The following RBFOX1 variants were observed in gnomAD, a reference collection of about 807,000 sequenced individuals.
RBFOX1 encodes the protein RNA binding protein fox-1 homolog 1.
A neutral mutation model predicts 57.7 loss-of-function variants in RBFOX1; 8 were observed. The ratio of observed to expected loss-of-function variants is 0.14; its 90% CI spans 0.08 to 0.25. The LOEUF is 0.25. RBFOX1 is among the 10% of genes least tolerant of loss of function. The pLI is 1.00. For synonymous variants in RBFOX1, 326 were observed against 222.4 expected (o/e 1.47, Z -4.15); for missense variants, 611 against 548.5 (o/e 1.11, Z -1.14).
rs773824474 is a variant in RBFOX1, at chr16:6,768,177, A to G, written c.-16+113527A>G. On this transcript the variant is annotated intron_variant, in intron 3 of 15. Transcript: ENST00000550418. ...GTAACACTGCACTTCAGCCTGGGCA[A>G]TAGAGCTAGACTCCATCTCAAAAAA... Among the ~76,000 whole-genome samples the G allele has an allele frequency of 7.2e-5, 11 of 152,108 alleles. 1 individual carries two copies. Among genetic ancestry groups the G allele is most frequent in the East Asian group, 1.9e-4 (1 of 5,176 alleles).
intron 4 of RBFOX1, among the ~76,000 whole-genome samples, chr16:7,086,721 T>G (rs201103442): frequency 3.7e-4 from 56 of 149,584 alleles, no homozygotes; most frequent in African/African-American, 1.3e-3. Context: ...GAAGAATGTA[T>G]ACACACACAC....
chr16:6,977,116 A>G (rs933909400), intron 3 of RBFOX1, among the ~76,000 whole-genome samples: 7 of 142,940 alleles, frequency 4.9e-5, no homozygotes, highest in Admixed American at 3.6e-4. Flanking sequence ...TATATGATCT[A>G]TATTATCATA....
intron 1 of RBFOX1, among the ~76,000 whole-genome samples, chr16:5,317,297 A>G (rs2151238415): frequency 6.6e-6 from 1 of 152,214 alleles, no homozygotes; most frequent in Non-Finnish European, 1.5e-5. Context: ...CTGCATATCT[A>G]CTGTGAAGAT....
chr16:7,177,772 T>C (rs903280133), intron 4 of RBFOX1, among the ~76,000 whole-genome samples: 2 of 152,196 alleles, frequency 1.3e-5, no homozygotes, highest in Admixed American at 1.3e-4. Context: ...CTGCAACTCC[T>C]CAACTCTTCT....
At chr16:6,976,341 C>CT (rs1568178501) in intron 3 of RBFOX1, among the ~76,000 whole-genome samples, 1 of 152,104 alleles carries the variant, frequency 6.6e-6, no homozygotes, top group East Asian at 1.9e-4. Context: ...CTCCTCTATC[C>CT]TTGTTCTAGC....
intron 1 of RBFOX1, among the ~76,000 whole-genome samples, chr16:5,336,431 T>A (rs373333601): frequency 6.6e-6 from 1 of 152,162 alleles, no homozygotes; most frequent in Non-Finnish European, 1.5e-5. Context: ...AGAGTCTCCT[T>A]ACAGGACTTC....
intron 3 of RBFOX1, among the ~76,000 whole-genome samples, chr16:6,935,251 T>C (rs1017536433): frequency 2.6e-5 from 4 of 152,270 alleles, no homozygotes; most frequent in Admixed American, 6.5e-5. Context: ...GTAATGTGTT[T>C]AGTGTGGTTC....
At chr16:7,542,170 C>T (rs1354122474) in intron 5 of RBFOX1, among the ~76,000 whole-genome samples, 2 of 152,144 alleles carry the variant, frequency 1.3e-5, no homozygotes, top group Non-Finnish European at 2.9e-5. Context: ...GACTATTACT[C>T]CCTCAACCCT....
intron 2 of RBFOX1, among the ~76,000 whole-genome samples, chr16:5,468,525 A>G (rs1024349301): frequency 5.3e-5 from 8 of 152,186 alleles, no homozygotes; most frequent in African/African-American, 9.7e-5. Context: ...TAGAATTACC[A>G]TATGGCCCAG....
At chr16:5,745,148 G>A (rs2052928035) in intron 3 of RBFOX1, among the ~76,000 whole-genome samples, 1 of 151,998 alleles carries the variant, frequency 6.6e-6, no homozygotes. Context: ...GTGTCCAAGT[G>A]TTCTCATTGT....
At chr16:6,124,291 G>T (rs1028128594) in intron 1 of RBFOX1, among the ~76,000 whole-genome samples, 3 of 152,128 alleles carry the variant, frequency 2.0e-5, no homozygotes, top group Admixed American at 2.0e-4. Context: ...TGGGCACCTG[G>T]GCCCTACAGA....
At chr16:7,168,104 T>C (rs1268449025) in intron 4 of RBFOX1, among the ~76,000 whole-genome samples, 1 of 152,192 alleles carries the variant, frequency 6.6e-6, no homozygotes, top group Non-Finnish European at 1.5e-5. Context: ...ATTTAAAAGA[T>C]TCAAGGAAGC....
chr16:6,522,582 G>A (rs187839300), intron 2 of RBFOX1, among the ~76,000 whole-genome samples: 19 of 152,308 alleles, frequency 1.2e-4, no homozygotes, highest in African/African-American at 3.8e-4. Flanking sequence ...GAAAGTGTGA[G>A]GGTGGCTTGT....
chr16:5,698,468 T>C (rs934173764), intron 3 of RBFOX1, among the ~76,000 whole-genome samples: 1 of 152,182 alleles, frequency 6.6e-6, no homozygotes, highest in Non-Finnish European at 1.5e-5. Flanking sequence ...ATTTAAGTTT[T>C]TCTAGAAAAC....
chr16:6,006,490 G>C (rs2094928009), intron 4 of RBFOX1, among the ~76,000 whole-genome samples: 1 of 152,200 alleles, frequency 6.6e-6, no homozygotes. Flanking sequence ...CAGAGAACCT[G>C]CCAACGTGGA....
chr16:5,837,115 C>T (rs925632525), intron 3 of RBFOX1, among the ~76,000 whole-genome samples: 3 of 152,116 alleles, frequency 2.0e-5, no homozygotes, highest in Non-Finnish European at 4.4e-5. Context: ...CCTTTCCCAA[C>T]CCTCAGTCTC....
chr16:7,688,254 T>TGAGA (rs1234300479), intron 14 of RBFOX1, among the ~76,000 whole-genome samples: 1 of 115,686 alleles, frequency 8.6e-6, no homozygotes, highest in African/African-American at 3.4e-5. Context: ...TGTGTGTGTG[T>TGAGA]GTGTGTGAGA....
At chr16:6,622,405 C>A (rs1444790616) in intron 2 of RBFOX1, among the ~76,000 whole-genome samples, 1 of 152,006 alleles carries the variant, frequency 6.6e-6, no homozygotes, top group East Asian at 1.9e-4. Flanking sequence ...ATGACAGTTG[C>A]CTACAGTATT....
rs541520210 is a variant in RBFOX1, at chr16:6,007,425, C to T, written c.351+140090C>T. Among the ~76,000 whole-genome samples the T allele has an allele frequency of 4.6e-5, 7 of 152,286 alleles. No homozygotes were observed. The East Asian group carries it at 1.4e-3, about 29-fold the overall frequency. Reference sequence around the variant, plus strand: ...TCCTGCCAGTAGTCACATGACTGAGCAGGCAGCTGGATCCTTCTTCAGTCA... The same window carrying T: ...TCCTGCCAGTAGTCACATGACTGAGTAGGCAGCTGGATCCTTCTTCAGTCA... On this transcript the variant is annotated intron_variant, in intron 4 of 19. Transcript: ENST00000641259.
Sources: gnomAD v4.1 joint callset for allele counts (sites outside exome capture counted in the v4.1 genomes callset) on GRCh38, gnomAD v4.1.1 for gene constraint, MANE v1.5 for transcripts, NCBI Gene and HGNC (gene_info 2026-07-23, HGNC 2026-07-21) for gene names.